Variants in RABL6 observed in about 807,000 individuals in gnomAD.
The protein encoded by RABL6 is RAB, member RAS oncogene family like 6, also known as rab-like protein 6.
A neutral mutation model predicts 72.9 loss-of-function variants in RABL6; 28 were observed. The ratio of observed to expected loss-of-function variants is 0.38; its 90% CI spans 0.28 to 0.53. The LOEUF (loss-of-function observed/expected upper bound fraction) is 0.53, where lower values mean the gene tolerates loss of function less well. Among genes scored for constraint, RABL6 ranks in the 20% least tolerant of loss-of-function variants. The pLI is 0.80. For missense variants in RABL6, 1,029 were observed against 1,008.4 expected, an observed-to-expected ratio of 1.02 and a Z score of -0.28; for synonymous variants, 477 against 421.2, an observed-to-expected ratio of 1.13 and a Z score of -1.62.
At chr9:136,834,724 G>A (rs530841969) in intron 7 of RABL6, among the ~76,000 whole-genome samples, 52 of 151,984 alleles carry the variant, frequency 3.4e-4, no homozygotes, top group Non-Finnish European at 5.6e-4. Flanking sequence ...TGATCTGCCC[G>A]CCTTGGCCCC....
chr9:136,832,613 C>T (rs1848501335), intron 7 of RABL6: 4 of 559,380 alleles, frequency 7.2e-6, no homozygotes, highest in Non-Finnish European at 1.3e-5. Flanking sequence ...ACCCCTTGCT[C>T]AGTTTCCCCC....
At chr9:136,829,562 AT>A in intron 5 of RABL6, 78 bp downstream of exon 5, 1 of 1,287,472 alleles carries the variant, frequency 7.8e-7, no homozygotes, top group Non-Finnish European at 1.1e-6. Context: ...TGTGCAGCAG[AT>A]AATGGTTAGA....
In RABL6 at chr9:136,808,427, C is replaced by G; in HGVS notation, c.130+101C>G. 3 of 1,238,896 alleles carry G rather than the reference C, an allele frequency of 2.4e-6. No homozygotes were observed. The South Asian group carries it at 7.0e-5, about 29-fold the overall frequency. The allele number at this position is 1,238,896 out of a possible 1,614,324, so 76.7% of individuals were successfully genotyped here. ...GTGGGTGTCGGTCTCACCTGCTTGCCGGTTGTGGGGTGCGCTGGGCCCGCC... is the reference window on the plus strand; with the variant it reads ...GTGGGTGTCGGTCTCACCTGCTTGCGGGTTGTGGGGTGCGCTGGGCCCGCC... On this transcript the variant is annotated intron_variant, in intron 1 of 14. Transcript: ENST00000311502.
chr9:136,837,784 C>T (rs551811181), intron 9 of RABL6, 78 bp from the exon 10 acceptor site: 25 of 1,540,700 alleles, frequency 1.6e-5, no homozygotes, highest in African/African-American at 8.2e-5. Context: ...GGGCACATCC[C>T]GGGTGGGCCT....
At chr9:136,813,492 A>T in intron 1 of RABL6, 1 of 468,606 alleles carries the variant, frequency 2.1e-6, no homozygotes, top group Non-Finnish European at 3.9e-6. Context: ...TCGGCCATCC[A>T]TCTCTGTTCC....
intron 3 of RABL6, 106 bp downstream of exon 3, chr9:136,825,932 T>A: frequency 1.5e-6 from 2 of 1,327,878 alleles, no homozygotes; most frequent in Non-Finnish European, 2.2e-6. Flanking sequence ...ACCATCCTCG[T>A]GGACGGTGCC....
Position 136,840,610 on chromosome 9 carries a change from G to T in RABL6, c.*88G>T, listed in dbSNP as rs560713015. ...TTGCCTCTGTACCATCGCCTTTGCC[G>T]CTGCCCCGTGGCTGCCGTGTGCGCT... On this transcript the variant is annotated 3_prime_UTR_variant, in exon 15 of 15. Transcript: ENST00000311502. The T allele has an allele frequency of 1.9e-6, 3 of 1,549,584 alleles. No individual in the cohort carries two copies. The highest frequency in any genetic ancestry group is 2.0e-5 in the Admixed American group (1 of 50,998).
chr9:136,838,634 C>A (rs2131205570), intron 10 of RABL6, among the ~76,000 whole-genome samples: 1 of 152,280 alleles, frequency 6.6e-6, no homozygotes, highest in East Asian at 1.9e-4. Context: ...CTGAGCTGGG[C>A]CCGCCTCCTC....
Position 136,832,110 on chromosome 9 carries a change from C to T in RABL6, c.600-155C>T, listed in dbSNP as rs532524752. 1.5e-5 allele frequency: 13 copies of T among 878,198 alleles called. No individual in the cohort carries two copies. The Admixed American group carries it at 1.9e-4, about 13-fold the overall frequency. 54.4% of individuals were successfully genotyped at this position (878,198 alleles called of 1,614,324 possible). ...GGGTCACCTGCAGAAGGGCACTCGG[C>T]TTAGCTGCTTAGCAGGGCTCAGCAG... is the stretch of plus-strand genomic sequence containing the variant. On this transcript the variant is annotated intron_variant, in intron 6 of 14. Transcript: ENST00000311502.
At chr9:136,815,043 C>T (rs1162201530) in intron 1 of RABL6, 2 of 186,658 alleles carry the variant, frequency 1.1e-5, no homozygotes, top group Non-Finnish European at 2.3e-5. Context: ...GGTGCTGCTT[C>T]AGAGCCATCT....
At chr9:136,834,224 G>T (rs1848541777) in intron 7 of RABL6, 3 of 1,198,082 alleles carry the variant, frequency 2.5e-6, no homozygotes, top group East Asian at 7.1e-5. Flanking sequence ...AAAATCAGTT[G>T]TTTTTTTAAC....
chr9:136,819,308 C>T (rs1588352519), intron 1 of RABL6, among the ~76,000 whole-genome samples: 1 of 140,560 alleles, frequency 7.1e-6, no homozygotes, highest in African/African-American at 2.7e-5. Flanking sequence ...GGCAGCAGAA[C>T]GAGACTCCGT....
At chr9:136,813,909 C>T in intron 1 of RABL6, 1 of 313,814 alleles carries the variant, frequency 3.2e-6, no homozygotes, top group Non-Finnish European at 6.2e-6. Context: ...GCCACTGCGC[C>T]ACTGCGCCCA....
At chr9:136,813,124 G>C in intron 1 of RABL6, 1 of 425,920 alleles carries the variant, frequency 2.3e-6, no homozygotes, top group Middle Eastern at 4.4e-4. Flanking sequence ...CTCTTCAGTG[G>C]TGTCCTCAGA....
In RABL6 at chr9:136,832,624, A is replaced by G. The variant is rs1257351866; in HGVS notation, c.705+254A>G. 21 of 537,580 alleles carry G rather than the reference A, an allele frequency of 3.9e-5. No individual in the cohort carries two copies. In the East Asian group the frequency reaches 6.4e-4, roughly 16 times the overall value. 33.3% of individuals were successfully genotyped at this position (537,580 alleles called of 1,614,324 possible). On this transcript the variant is annotated intron_variant, in intron 7 of 14. Transcript: ENST00000311502. ...GGGGACCCCTTGCTCAGTTTCCCCCAGTGTTTTTGGTTGTTTTTGTTTGTT... is the reference window on the plus strand; with the variant it reads ...GGGGACCCCTTGCTCAGTTTCCCCCGGTGTTTTTGGTTGTTTTTGTTTGTT...
chr9:136,819,721 G>A (rs966919291), intron 1 of RABL6, among the ~76,000 whole-genome samples: 2 of 152,176 alleles, frequency 1.3e-5, no homozygotes, highest in Non-Finnish European at 2.9e-5. Flanking sequence ...GGTTACCGCA[G>A]GCTCAGAGAA....
chr9:136,819,131 G>C (rs1053868236), intron 1 of RABL6, among the ~76,000 whole-genome samples: 2 of 152,020 alleles, frequency 1.3e-5, no homozygotes, highest in Non-Finnish European at 2.9e-5. Context: ...GACCATCCTG[G>C]CTAACATGGT....
Position 136,841,102 on chromosome 9 carries a change from C to T in RABL6, c.*580C>T, listed in dbSNP as rs374486976. On this transcript the variant is annotated 3_prime_UTR_variant, in exon 15 of 15. Coordinates refer to ENST00000311502, the MANE Select transcript of RABL6 (RefSeq NM_024718.5). ...CCCACAGTGGCCTCAGCTGCGCCCC[C>T]GCTCAGGTGAGCCCGAAGGCAGGAG... 168 of 1,345,520 alleles carry T rather than the reference C, an allele frequency of 1.2e-4. No homozygotes were observed. The highest frequency in any genetic ancestry group is 9.0e-4 in the East Asian group (33 of 36,672). The allele number at this position is 1,345,520 out of a possible 1,614,324, so 83.3% of individuals were successfully genotyped here.
intron 7 of RABL6, chr9:136,832,731 A>AG (rs1848503867): frequency 2.7e-6 from 1 of 366,852 alleles, no homozygotes; most frequent in Non-Finnish European, 5.2e-6. Context: ...TCCGGGGCTC[A>AG]GGCAATCCTC....
Sources: gnomAD v4.1 joint callset for allele counts (sites outside exome capture counted in the v4.1 genomes callset) on GRCh38, gnomAD v4.1.1 for gene constraint, MANE v1.5 for transcripts, NCBI Gene and HGNC (gene_info 2026-07-23, HGNC 2026-07-21) for gene names.